Variants in USP15 observed in about 807,000 individuals in gnomAD.
USP15 encodes the protein ubiquitin carboxyl-terminal hydrolase 15.
A neutral mutation model predicts 127.1 loss-of-function variants in USP15; 18 were observed. That is an observed-to-expected ratio of 0.14 (90% CI 0.10 to 0.21). USP15 has a LOEUF of 0.21. Among genes scored for constraint, USP15 ranks in the 10% least tolerant of loss-of-function variants. The pLI is 1.00. For missense variants in USP15, 805 were observed against 1,159.9 expected (o/e 0.69, Z 4.44); for synonymous variants, 364 against 393.7 (o/e 0.92, Z 0.89).
At chr12:62,292,310 A>G (rs2063995777) in intron 1 of USP15, among the ~76,000 whole-genome samples, 1 of 152,184 alleles carries the variant, frequency 6.6e-6, no homozygotes, top group East Asian at 1.9e-4. Flanking sequence ...ACTACAGGAG[A>G]TGCTTGCCCC....
intron 6 of USP15, among the ~76,000 whole-genome samples, chr12:62,341,890 G>A (rs1218386398): frequency 2.0e-5 from 3 of 152,106 alleles, no homozygotes; most frequent in South Asian, 2.1e-4. Context: ...TATCTTAGTG[G>A]TGGTCTGTGT....
At chr12:62,315,041 C>A in intron 4 of USP15, 125 bp downstream of exon 4, 1 of 906,720 alleles carries the variant, frequency 1.1e-6, no homozygotes, top group Non-Finnish European at 1.5e-6. Flanking sequence ...TGATTTCCAG[C>A]TTTGATACAA....
At chr12:62,346,995 T>G (rs1395500767) in intron 6 of USP15, among the ~76,000 whole-genome samples, 1 of 151,984 alleles carries the variant, frequency 6.6e-6, no homozygotes. Flanking sequence ...ACCTACAAAA[T>G]TTTATATTAG....
rs995964286 is a variant in USP15, at chr12:62,378,297, G to A, written c.916-3193G>A. 6.6e-5 allele frequency among the ~76,000 whole-genome samples: 10 copies of A among 152,190 alleles called. No individual in the cohort carries two copies. In the South Asian group the frequency reaches 1.2e-3, roughly 19 times the overall value. ...GGTATTTTTATGAGGGAGAAATATC[G>A]GACATCATCTTAGTTTTTAAACTAA... On this transcript the variant is annotated intron_variant, in intron 8 of 21. Coordinates refer to ENST00000280377, the MANE Select transcript of USP15 (RefSeq NM_001252078.2).
chr12:62,344,896 G>A (rs1313465614), intron 6 of USP15, among the ~76,000 whole-genome samples: 1 of 152,184 alleles, frequency 6.6e-6, no homozygotes, highest in Admixed American at 6.5e-5. Context: ...GAAACACAGG[G>A]TACCAAGTCC....
In USP15 at chr12:62,319,078, T is replaced by A. The variant is rs374915707; in HGVS notation, c.476-2386T>A. 2.6e-5 allele frequency among the ~76,000 whole-genome samples: 4 copies of A among 152,134 alleles called. No individual in the cohort carries two copies. In the East Asian group the frequency reaches 7.7e-4, roughly 29 times the overall value. On this transcript the variant is annotated intron_variant, in intron 4 of 21. Coordinates refer to ENST00000280377, the MANE Select transcript of USP15 (RefSeq NM_001252078.2). ...GAAAAGAGGTTTAATTGACTTACAG[T>A]TCCATAGGCCGTACAGGAAGCATGG...
chr12:62,330,979 T>G (rs2065281463), intron 6 of USP15, among the ~76,000 whole-genome samples: 1 of 150,820 alleles, frequency 6.6e-6, no homozygotes, highest in African/African-American at 2.4e-5. Context: ...GCACATGATG[T>G]TAGCTTAGGC....
rs911930603 is a variant in USP15 at position 62,384,444 on chromosome 12, G to A, written c.1473+142G>A. ...CAATCAATAATGTTTATTTGTATAA[G>A]AGATTTTATAAGCTGAATACTTTGG... On this transcript the variant is annotated intron_variant, in intron 11 of 21. Coordinates refer to ENST00000280377, the MANE Select transcript of USP15 (RefSeq NM_001252078.2). The A allele has an allele frequency of 1.3e-5, 9 of 717,500 alleles. No homozygotes were observed. In the Admixed American group the frequency reaches 2.0e-4, roughly 16 times the overall value. The allele number at this position is 717,500 out of a possible 1,614,324, so 44.4% of individuals were successfully genotyped here.
Position 62,355,560 on chromosome 12 carries a change from C to A in USP15, c.915+85C>A, listed in dbSNP as rs367808844. The A allele has an allele frequency of 1.2e-5, 17 of 1,409,736 alleles. No homozygotes were observed. The East Asian group carries it at 1.4e-4, about 12-fold the overall frequency. 87.3% of individuals were successfully genotyped at this position (1,409,736 alleles called of 1,614,324 possible). A position where few individuals can be genotyped will look rare whatever the true frequency, so the allele number is the denominator to read the frequency against. ...TAAAGTTGGGTTTTTCATGCCAGAACATGAGTATATGTTTTGAAAGTTCAT... is the reference window on the plus strand; with the variant it reads ...TAAAGTTGGGTTTTTCATGCCAGAAAATGAGTATATGTTTTGAAAGTTCAT... On this transcript the variant is annotated intron_variant, in intron 8 of 21. Transcript: ENST00000280377.
At chr12:62,287,043 T>G (rs1477267474) in intron 1 of USP15, among the ~76,000 whole-genome samples, 1 of 152,094 alleles carries the variant, frequency 6.6e-6, no homozygotes, top group Non-Finnish European at 1.5e-5. Flanking sequence ...TGGAGGCCAT[T>G]ATTCTAAGCA....
At chr12:62,373,794 T>C (rs1343974806) in intron 8 of USP15, among the ~76,000 whole-genome samples, 4 of 151,994 alleles carry the variant, frequency 2.6e-5, no homozygotes, top group Non-Finnish European at 5.9e-5. Flanking sequence ...ATCTTCAGAA[T>C]TGATCTCTCA....
At chr12:62,366,932 T>C (rs954837387) in intron 8 of USP15, among the ~76,000 whole-genome samples, 2 of 152,178 alleles carry the variant, frequency 1.3e-5, no homozygotes, top group Non-Finnish European at 2.9e-5. Flanking sequence ...CTTTTTGATG[T>C]GGTGCTGGAT....
At chr12:62,298,054 A>T (rs911972608) in intron 2 of USP15, among the ~76,000 whole-genome samples, 1 of 152,240 alleles carries the variant, frequency 6.6e-6, no homozygotes, top group Non-Finnish European at 1.5e-5. Flanking sequence ...GGACAAGTAG[A>T]TGAATTGGCA....
rs1265996390 is a variant in USP15 at position 62,406,666 on chromosome 12, AG to A, written c.*2292del. ...AAGGATAATACATATTCTAATTAAA[AG>A]TAGGCATTCAGACTGGGCACGGTGG... is the stretch of plus-strand genomic sequence containing the variant. On this transcript the variant is annotated 3_prime_UTR_variant, in exon 22 of 22. Transcript: ENST00000280377. 2 of 152,228 alleles carry A rather than the reference AG, an allele frequency of 1.3e-5. No individual in the cohort carries two copies. Among genetic ancestry groups the A allele is most frequent in the Non-Finnish European group, 2.9e-5 (2 of 68,036 alleles). 9.4% of individuals were successfully genotyped at this position (152,228 alleles called of 1,614,324 possible).
intron 8 of USP15, among the ~76,000 whole-genome samples, chr12:62,360,146 T>C (rs74379291): frequency 0.012 from 1,793 of 152,194 alleles, 36 homozygotes; most frequent in African/African-American, 0.04. Context: ...TAATGTGGTC[T>C]TTTCCATTGG....
In USP15 at chr12:62,405,278, C is replaced by T. The variant is rs965098304; in HGVS notation, c.*903C>T. On this transcript the variant is annotated 3_prime_UTR_variant, in exon 22 of 22. Transcript: ENST00000280377. ...GACAGACATAATAGTATTCTGTACCCATAGTAATAATTGCATCAAGCTTAG... is the reference window on the plus strand; with the variant it reads ...GACAGACATAATAGTATTCTGTACCTATAGTAATAATTGCATCAAGCTTAG... The T allele has an allele frequency of 2.6e-5, 4 of 152,060 alleles. No homozygotes were observed. The highest frequency in any genetic ancestry group is 9.7e-5 in the African/African-American group (4 of 41,412). The allele number at this position is 152,060 out of a possible 1,614,324, so 9.4% of individuals were successfully genotyped here.
At chr12:62,338,916 T>G (rs1350349237) in intron 6 of USP15, among the ~76,000 whole-genome samples, 1 of 152,208 alleles carries the variant, frequency 6.6e-6, no homozygotes, top group Non-Finnish European at 1.5e-5. Flanking sequence ...TGCCTCCAGC[T>G]TTGTTATTTT....
At chr12:62,323,760 G>A (rs1447006836) in intron 5 of USP15, among the ~76,000 whole-genome samples, 2 of 152,122 alleles carry the variant, frequency 1.3e-5, no homozygotes, top group Non-Finnish European at 2.9e-5. Flanking sequence ...TCTGAAATGA[G>A]TGTTACTCTT....
At position 62,381,508 on chromosome 12, in the gene USP15, C is replaced by A. The variant is rs776669541; in HGVS notation, c.934C>A (p.Pro312Thr). The change falls in exon 9 of 22, where the codon CCA (proline) becomes ACA (threonine). Residue 312 changes from proline to threonine, a missense_variant. Transcript: ENST00000280377. ...SAIQCLSNTPPLTEYFLNDKY... is the reference protein window; with the variant it reads ...SAIQCLSNTPTLTEYFLNDKY... ...TTTGCAGTGTTTGAGCAACACACCT[C>A]CACTTACTGAGTATTTCCTCAATGA... The A allele has an allele frequency of 6.2e-7, 1 of 1,610,248 alleles. No homozygotes were observed. Among genetic ancestry groups the A allele is most frequent in the East Asian group, 2.2e-5 (1 of 44,808 alleles).
Sources: gnomAD v4.1 joint callset for allele counts (sites outside exome capture counted in the v4.1 genomes callset) on GRCh38, gnomAD v4.1.1 for gene constraint, MANE v1.5 for transcripts, NCBI Gene and HGNC (gene_info 2026-07-23, HGNC 2026-07-21) for gene names.